PALM2AKAP2: variants seen among roughly 807,000 people sequenced by gnomAD.
The protein encoded by PALM2AKAP2 is PALM2 and AKAP2 fusion.
A neutral mutation model predicts 71.5 loss-of-function variants in PALM2AKAP2; 37 were observed. That is an observed-to-expected ratio of 0.52 (90% confidence interval 0.40 to 0.68). The LOEUF is 0.68. PALM2AKAP2 is among the 30% of genes least tolerant of loss of function. The probability of loss-of-function intolerance (pLI) is 0.00; values close to 1 mark genes in which losing one functional copy is unlikely to be tolerated. For synonymous variants in PALM2AKAP2, 468 were observed against 478.8 expected, an observed-to-expected ratio of 0.98 and a Z score of 0.29; for missense variants, 1,224 against 1,191.8, an observed-to-expected ratio of 1.03 and a Z score of -0.40.
At chr9:110,022,151 A>C (rs1833084048) in intron 7 of PALM2AKAP2, among the ~76,000 whole-genome samples, 1 of 151,970 alleles carries the variant, frequency 6.6e-6, no homozygotes, top group Non-Finnish European at 1.5e-5. Context: ...CATTTTTAGC[A>C]TTGTCTTTCA....
chr9:109,963,734 T>A (rs945419405), intron 6 of PALM2AKAP2, among the ~76,000 whole-genome samples: 1 of 152,178 alleles, frequency 6.6e-6, no homozygotes, highest in Admixed American at 6.5e-5. Flanking sequence ...CTCTGAATTG[T>A]CTCCTGAACG....
intron 3 of PALM2AKAP2, among the ~76,000 whole-genome samples, chr9:109,887,441 A>G (rs892773894): frequency 6.6e-6 from 1 of 152,204 alleles, no homozygotes; most frequent in Admixed American, 6.5e-5. Flanking sequence ...TATTGTTTCC[A>G]TTCTTTTGTT....
At chr9:109,798,779 T>A (rs1827336095) in intron 1 of PALM2AKAP2, among the ~76,000 whole-genome samples, 1 of 152,250 alleles carries the variant, frequency 6.6e-6, no homozygotes, top group Non-Finnish European at 1.5e-5. Flanking sequence ...TCTCTCCTTC[T>A]ATCAATTTGT....
At chr9:110,164,692 A>G (rs1014054211) in intron 3 of PALM2AKAP2, among the ~76,000 whole-genome samples, 1 of 151,826 alleles carries the variant, frequency 6.6e-6, no homozygotes, top group Non-Finnish European at 1.5e-5. Flanking sequence ...CACCATGCCC[A>G]GCTAATTTTT....
chr9:110,072,828 G>A (rs1834233975), intron 1 of PALM2AKAP2, among the ~76,000 whole-genome samples: 1 of 152,118 alleles, frequency 6.6e-6, no homozygotes, highest in Non-Finnish European at 1.5e-5. Flanking sequence ...TTCTGCCCCA[G>A]CTCTACCTTG....
chr9:109,743,206 A>G (rs1828742767), intron 1 of PALM2AKAP2, among the ~76,000 whole-genome samples: 1 of 152,144 alleles, frequency 6.6e-6, no homozygotes, highest in Non-Finnish European at 1.5e-5. Context: ...CCCTTGAAGC[A>G]TGTGTAAAGC....
At chr9:110,048,620 C>A (rs1833644540), upstream of PALM2AKAP2, 2 of 1,363,642 alleles carry the variant, frequency 1.5e-6, no homozygotes, top group South Asian at 1.6e-5. Context: ...AGCGAGGAGG[C>A]GGGGAAGGGG....
chr9:110,029,746 A>G (rs1252229752), intron 7 of PALM2AKAP2, among the ~76,000 whole-genome samples: 4 of 152,312 alleles, frequency 2.6e-5, no homozygotes, highest in Admixed American at 2.6e-4. Flanking sequence ...GACAGAAACT[A>G]TTGGTCTTTA....
At chr9:109,948,713 T>G (rs975231333) in intron 6 of PALM2AKAP2, among the ~76,000 whole-genome samples, 5 of 152,120 alleles carry the variant, frequency 3.3e-5, no homozygotes. Flanking sequence ...ATCTCACAAA[T>G]CATAAAATTC....
chr9:109,867,365 G>A (rs913991492), intron 1 of PALM2AKAP2, 126 bp from the exon 2 acceptor site: 14 of 1,051,688 alleles, frequency 1.3e-5, no homozygotes, highest in Middle Eastern at 2.2e-4. Flanking sequence ...GTGACACTGC[G>A]TGTGTGCCCG....
chr9:110,038,864 G>A lies in PALM2AKAP2; in HGVS notation c.582+22825G>A, dbSNP rs553513654. Among the ~76,000 whole-genome samples the A allele has an allele frequency of 4.2e-5, 6 of 143,712 alleles. No homozygotes were observed. The East Asian group carries it at 6.0e-4, about 14-fold the overall frequency. 94.3% of individuals were successfully genotyped at this position (143,712 alleles called of 152,430 possible). On this transcript the variant is annotated intron_variant, in intron 7 of 9. Transcript: ENST00000302798. Reference sequence around the variant, plus strand: ...GCTGAGGCAGGAGAATTGCTTGAACGTGGGAGGCAGAGGTTGCAGTGAGCC... The same window carrying A: ...GCTGAGGCAGGAGAATTGCTTGAACATGGGAGGCAGAGGTTGCAGTGAGCC...
intron 1 of PALM2AKAP2, among the ~76,000 whole-genome samples, chr9:109,700,909 A>G (rs1333993606): frequency 1.3e-5 from 2 of 152,244 alleles, no homozygotes; most frequent in African/African-American, 2.4e-5. Context: ...ACATGAGTGT[A>G]GCTGGCAAAA....
At chr9:110,002,037 A>T (rs1832690895) in intron 6 of PALM2AKAP2, among the ~76,000 whole-genome samples, 2 of 152,280 alleles carry the variant, frequency 1.3e-5, no homozygotes, top group Admixed American at 1.3e-4. Context: ...CCTGGCCAGA[A>T]CTTCCAACAC....
intron 6 of PALM2AKAP2, among the ~76,000 whole-genome samples, chr9:109,950,976 A>G (rs572306107): frequency 1.3e-5 from 2 of 152,340 alleles, no homozygotes; most frequent in South Asian, 4.1e-4. Flanking sequence ...CCTGATCCAA[A>G]CTATTCTGTA....
chr9:110,109,318 CAAAAA>C (rs542467637), intron 1 of PALM2AKAP2, among the ~76,000 whole-genome samples: 1 of 79,628 alleles, frequency 1.3e-5, no homozygotes. Flanking sequence ...TCTTTGTCTC[CAAAAA>C]AAAAAAAAAA....
chr9:109,733,259 G>T (rs1300651484), intron 1 of PALM2AKAP2, among the ~76,000 whole-genome samples: 1 of 152,192 alleles, frequency 6.6e-6, no homozygotes, highest in Non-Finnish European at 1.5e-5. Context: ...GTCAAAGAGG[G>T]TCGTTGGGGA....
intron 1 of PALM2AKAP2, among the ~76,000 whole-genome samples, chr9:110,062,147 T>C (rs1343992196): frequency 1.3e-5 from 2 of 152,218 alleles, no homozygotes; most frequent in Non-Finnish European, 2.9e-5. Context: ...GTTTGTTACA[T>C]AGGTAAACGT....
Position 110,012,162 on chromosome 9 carries a change from G to A in PALM2AKAP2, c.497-3792G>A, listed in dbSNP as rs570131165. On this transcript the variant is annotated intron_variant, in intron 6 of 9. Transcript: ENST00000302798. The stretch of plus-strand genomic sequence containing the variant: ...ACAAAAAGTATCCGGGCATGGTGGC[G>A]GGTGCCTGTAATCCCAGCTACTTGG... Among the ~76,000 whole-genome samples the A allele has an allele frequency of 1.1e-3, 171 of 152,070 alleles. 1 individual carries two copies. The highest frequency in any genetic ancestry group is 1.6e-3 in the Non-Finnish European group (110 of 67,990).
intron 1 of PALM2AKAP2, among the ~76,000 whole-genome samples, chr9:109,782,578 G>A (rs1314289360): frequency 6.6e-6 from 1 of 152,146 alleles, no homozygotes; most frequent in Non-Finnish European, 1.5e-5. Context: ...ATTAATGTAT[G>A]TGGGAGGATG....
Sources: gnomAD v4.1 joint callset for allele counts (sites outside exome capture counted in the v4.1 genomes callset) on GRCh38, gnomAD v4.1.1 for gene constraint, MANE v1.5 for transcripts, NCBI Gene and HGNC (gene_info 2026-07-23, HGNC 2026-07-21) for gene names.